The following EPB41L4A variants were observed in gnomAD, a reference collection of about 807,000 sequenced individuals.
The protein encoded by EPB41L4A is band 4.1-like protein 4A.
Under a neutral mutation model 108.6 loss-of-function variants are expected in EPB41L4A, and 100 were observed. The observed-to-expected ratio is 0.92, with a 90% CI of 0.78 to 1.09. The LOEUF (loss-of-function observed/expected upper bound fraction) is 1.09. EPB41L4A is among the 50% of genes least tolerant of loss of function. The pLI is 0.00. For synonymous variants in EPB41L4A, 319 were observed against 289.0 expected (o/e 1.10, Z -1.05); for missense variants, 1,030 against 842.7 (o/e 1.22, Z -2.75).
chr5:112,223,867 G>T (rs1748254783), intron 12 of EPB41L4A, among the ~76,000 whole-genome samples: 1 of 150,920 alleles, frequency 6.6e-6, no homozygotes, highest in Admixed American at 6.6e-5. Context: ...CGTCAGTTTG[G>T]ACTAAAAGAA....
At position 112,327,342 on chromosome 5, in the gene EPB41L4A, A is replaced by C. The variant is rs544853338; in HGVS notation, c.100-19852T>G. 7.2e-5 allele frequency among the ~76,000 whole-genome samples: 11 copies of C among 152,340 alleles called. No homozygotes were observed. In the South Asian group the frequency reaches 2.3e-3, roughly 32 times the overall value. On this transcript the variant is annotated intron_variant, in intron 1 of 22. Coordinates refer to ENST00000261486, the MANE Select transcript of EPB41L4A (RefSeq NM_022140.5). ...TGATTCTAAGAAATAAATATCCTCT[A>C]AAACTACCTTTAAGGATGTAGCAAT...
chr5:112,252,901 G>A (rs1304952550), intron 9 of EPB41L4A, among the ~76,000 whole-genome samples: 1 of 151,840 alleles, frequency 6.6e-6, no homozygotes, highest in African/African-American at 2.4e-5. Flanking sequence ...TGAAAAAATA[G>A]AAGTTAATAA....
chr5:112,353,476 G>A (rs1327474157), intron 1 of EPB41L4A, among the ~76,000 whole-genome samples: 2 of 152,082 alleles, frequency 1.3e-5, no homozygotes, highest in Non-Finnish European at 2.9e-5. Flanking sequence ...GGTTAGTGGT[G>A]GTGGTGATGA....
At chr5:112,294,211 A>T (rs1343066819) in intron 2 of EPB41L4A, among the ~76,000 whole-genome samples, 1 of 151,918 alleles carries the variant, frequency 6.6e-6, no homozygotes, top group Non-Finnish European at 1.5e-5. Context: ...CTTTTTTTTT[A>T]AATGTAAGTT....
At chr5:112,321,780 T>C (rs1182050810) in intron 1 of EPB41L4A, among the ~76,000 whole-genome samples, 2 of 152,204 alleles carry the variant, frequency 1.3e-5, no homozygotes, top group Admixed American at 6.5e-5. Flanking sequence ...AAAGTTCCAA[T>C]GCATAGGTGT....
intron 2 of EPB41L4A, among the ~76,000 whole-genome samples, chr5:112,294,668 G>C (rs1259339582): frequency 6.6e-6 from 1 of 152,012 alleles, no homozygotes; most frequent in Non-Finnish European, 1.5e-5. Context: ...TGTTCAGGCA[G>C]GGGAGGCAGC....
chr5:112,172,847 G>C (rs1760661715), intron 18 of EPB41L4A, among the ~76,000 whole-genome samples: 1 of 152,184 alleles, frequency 6.6e-6, no homozygotes, highest in Non-Finnish European at 1.5e-5. Flanking sequence ...GGGCATATCA[G>C]CTTCTTCTAG....
intron 1 of EPB41L4A, among the ~76,000 whole-genome samples, chr5:112,384,391 C>T (rs138658139): frequency 6.6e-6 from 1 of 151,784 alleles, no homozygotes. Flanking sequence ...ACTACTTTAA[C>T]CTGAGTCCAA....
chr5:112,411,197 G>T (rs1762390526), intron 1 of EPB41L4A, among the ~76,000 whole-genome samples: 1 of 152,204 alleles, frequency 6.6e-6, no homozygotes, highest in African/African-American at 2.4e-5. Context: ...GCAGAATCTA[G>T]TAAGTGATCA....
intron 1 of EPB41L4A, among the ~76,000 whole-genome samples, chr5:112,342,877 A>G (rs557204995): frequency 6.6e-6 from 1 of 152,360 alleles, no homozygotes; most frequent in African/African-American, 2.4e-5. Context: ...TCAGCAGTCA[A>G]TCTTGTCACC....
chr5:112,385,201 AG>A (rs1248201681), intron 1 of EPB41L4A, among the ~76,000 whole-genome samples: 1 of 152,208 alleles, frequency 6.6e-6, no homozygotes, highest in Non-Finnish European at 1.5e-5. Context: ...CCAACGGGGA[AG>A]TGGTGCTTCC....
intron 12 of EPB41L4A, among the ~76,000 whole-genome samples, chr5:112,222,976 C>G (rs1748178784): frequency 6.7e-6 from 1 of 148,732 alleles, no homozygotes; most frequent in African/African-American, 2.5e-5. Flanking sequence ...GAGTCTGGCT[C>G]TGTCGCCCAG....
At chr5:112,219,503 A>G (rs1360219458) in intron 12 of EPB41L4A, among the ~76,000 whole-genome samples, 1 of 152,144 alleles carries the variant, frequency 6.6e-6, no homozygotes, top group Non-Finnish European at 1.5e-5. Context: ...ACAAACTAAT[A>G]AAAAAGTTTT....
chr5:112,188,343 A>C (rs1402013419), intron 17 of EPB41L4A, among the ~76,000 whole-genome samples: 1 of 152,042 alleles, frequency 6.6e-6, no homozygotes. Flanking sequence ...ACCATCAATA[A>C]ATTATTCTTA....
chr5:112,409,092 G>A (rs1425668046), intron 1 of EPB41L4A, among the ~76,000 whole-genome samples: 2 of 151,976 alleles, frequency 1.3e-5, no homozygotes, highest in African/African-American at 2.4e-5. Flanking sequence ...AAAGACCATC[G>A]ACTGATGAAA....
intron 5 of EPB41L4A, among the ~76,000 whole-genome samples, chr5:112,265,248 T>A (rs139100594): frequency 1.3e-5 from 2 of 152,370 alleles, no homozygotes; most frequent in African/African-American, 4.8e-5. Flanking sequence ...CCAAATACTA[T>A]AATTATATCA....
At chr5:112,370,520 G>T (rs935265936) in intron 1 of EPB41L4A, among the ~76,000 whole-genome samples, 8 of 151,998 alleles carry the variant, frequency 5.3e-5, no homozygotes, top group Non-Finnish European at 1.2e-4. Context: ...CATTTTGATT[G>T]ATGATAACCA....
chr5:112,238,530 TA>T (rs1167788394), intron 11 of EPB41L4A, among the ~76,000 whole-genome samples: 1 of 152,226 alleles, frequency 6.6e-6, no homozygotes, highest in Non-Finnish European at 1.5e-5. Context: ...AAGTGCATTA[TA>T]AAAGAGAAGA....
intron 12 of EPB41L4A, among the ~76,000 whole-genome samples, chr5:112,221,176 T>G (rs1194267426): frequency 6.6e-6 from 1 of 152,196 alleles, no homozygotes; most frequent in Admixed American, 6.5e-5. Context: ...GAGCCTGAAA[T>G]CTACTGCCTT....
Sources: allele counts gnomAD v4.1 joint callset (sites outside exome capture counted in the v4.1 genomes callset), GRCh38; gene constraint gnomAD v4.1.1; transcripts MANE v1.5; gene names NCBI Gene and HGNC (gene_info 2026-07-23, HGNC 2026-07-21).